RPH3A: variants seen among roughly 807,000 people sequenced by gnomAD.
The protein encoded by RPH3A is rabphilin-3A.
Under a neutral mutation model 102.2 loss-of-function variants are expected in RPH3A, and 48 were observed. The ratio of observed to expected loss-of-function variants is 0.47; its 90% CI spans 0.37 to 0.60. The LOEUF (loss-of-function observed/expected upper bound fraction) is 0.60. Ranked by LOEUF, RPH3A falls within the 20% of genes least tolerant of loss-of-function variation. The pLI is 0.00. For missense variants in RPH3A, 781 were observed against 910.1 expected (o/e 0.86, Z 1.83); for synonymous variants, 310 against 324.3 (o/e 0.96, Z 0.47).
chr12:112,850,236 T>A (rs1483744213), intron 5 of RPH3A, among the ~76,000 whole-genome samples: 3 of 151,930 alleles, frequency 2.0e-5, no homozygotes, highest in African/African-American at 7.3e-5. Context: ...TACATCTGAG[T>A]GAGTATTTAA....
At chr12:112,736,570 A>T (rs2040670840) in intron 1 of RPH3A, among the ~76,000 whole-genome samples, 1 of 152,248 alleles carries the variant, frequency 6.6e-6, no homozygotes. Flanking sequence ...GTGCTATTTC[A>T]TAAAGCCAAG....
At chr12:112,820,662 A>G (rs1458497166) in intron 2 of RPH3A, among the ~76,000 whole-genome samples, 2 of 152,178 alleles carry the variant, frequency 1.3e-5, no homozygotes, top group Non-Finnish European at 2.9e-5. Context: ...GACCATACTC[A>G]TTTTATCAAT....
intron 1 of RPH3A, among the ~76,000 whole-genome samples, chr12:112,610,214 C>T (rs2039628271): frequency 6.6e-6 from 1 of 152,150 alleles, no homozygotes; most frequent in African/African-American, 2.4e-5. Flanking sequence ...TTTAAGAAAC[C>T]TTCCTTGGGT....
intron 19 of RPH3A, chr12:112,894,257 T>A (rs1026578254): frequency 2.6e-6 from 1 of 384,486 alleles, no homozygotes; most frequent in African/African-American, 2.1e-5. Context: ...GAACACAGAC[T>A]CTAGATGCAA....
At chr12:112,875,960 G>T (rs542584450) in intron 12 of RPH3A, among the ~76,000 whole-genome samples, 2 of 152,166 alleles carry the variant, frequency 1.3e-5, no homozygotes, top group African/African-American at 4.8e-5. Flanking sequence ...AGACTACCTG[G>T]GTTCAAATCC....
At chr12:112,684,214 C>T (rs1472885138) in intron 1 of RPH3A, among the ~76,000 whole-genome samples, 1 of 152,062 alleles carries the variant, frequency 6.6e-6, no homozygotes, top group African/African-American at 2.4e-5. Flanking sequence ...AGTTTAGAAT[C>T]CTGCCAAAAA....
chr12:112,758,141 G>A (rs2040833484), intron 1 of RPH3A, among the ~76,000 whole-genome samples: 1 of 152,214 alleles, frequency 6.6e-6, no homozygotes, highest in South Asian at 2.1e-4. Context: ...AAATCCAGAA[G>A]TGTAGGGGAG....
intron 1 of RPH3A, among the ~76,000 whole-genome samples, chr12:112,751,481 G>A (rs1329628671): frequency 6.6e-6 from 1 of 152,166 alleles, no homozygotes; most frequent in Non-Finnish European, 1.5e-5. Context: ...ATTGTTCAGA[G>A]GTAAAGGAGT....
At chr12:112,746,466 G>T (rs2040747176) in intron 1 of RPH3A, among the ~76,000 whole-genome samples, 1 of 151,994 alleles carries the variant, frequency 6.6e-6, no homozygotes, top group Non-Finnish European at 1.5e-5. Context: ...AGCCTTAGGT[G>T]TTGAGGGAAC....
intron 1 of RPH3A, among the ~76,000 whole-genome samples, chr12:112,637,022 C>G (rs1195748313): frequency 6.6e-6 from 1 of 152,166 alleles, no homozygotes; most frequent in Non-Finnish European, 1.5e-5. Flanking sequence ...ATGTAAATCC[C>G]TTCTAGCCCC....
chr12:112,741,215 T>C (rs1544397), intron 1 of RPH3A, among the ~76,000 whole-genome samples: 89 of 152,278 alleles, frequency 5.8e-4, no homozygotes, highest in African/African-American at 2.0e-3. Flanking sequence ...AATGGAATAG[T>C]CAACACTGTA....
chr12:112,771,288 T>G (rs1285591130), intron 1 of RPH3A, among the ~76,000 whole-genome samples: 1 of 152,262 alleles, frequency 6.6e-6, no homozygotes, highest in East Asian at 1.9e-4. Flanking sequence ...TAAATCCCTC[T>G]GTACTTCCCA....
chr12:112,700,145 C>G (rs2040382730), intron 1 of RPH3A, among the ~76,000 whole-genome samples: 1 of 151,760 alleles, frequency 6.6e-6, no homozygotes, highest in East Asian at 1.9e-4. Flanking sequence ...TCTTGGCTCT[C>G]TGCAACCTCC....
At chr12:112,671,911 C>T (rs2040134276) in intron 1 of RPH3A, among the ~76,000 whole-genome samples, 1 of 151,582 alleles carries the variant, frequency 6.6e-6, no homozygotes, top group Non-Finnish European at 1.5e-5. Flanking sequence ...GATATATATA[C>T]ACACACATAC....
intron 5 of RPH3A, among the ~76,000 whole-genome samples, chr12:112,864,698 C>G (rs959843888): frequency 1.3e-5 from 2 of 152,188 alleles, no homozygotes; most frequent in Admixed American, 1.3e-4. Context: ...ATTGCTGGAT[C>G]TCTATCCAGC....
intron 13 of RPH3A, 101 bp from the exon 14 acceptor site, chr12:112,879,018 C>A: frequency 9.5e-7 from 1 of 1,052,614 alleles, no homozygotes. Context: ...CTTCTGTGGT[C>A]TCAATTCACA....
At chr12:112,773,639 C>T (rs1055922431) in intron 1 of RPH3A, among the ~76,000 whole-genome samples, 2 of 151,322 alleles carry the variant, frequency 1.3e-5, no homozygotes, top group African/African-American at 4.9e-5. Context: ...TTATATGCAA[C>T]ATTCCATTTT....
At chr12:112,825,969 T>C (rs752960729) in intron 2 of RPH3A, among the ~76,000 whole-genome samples, 1 of 152,184 alleles carries the variant, frequency 6.6e-6, no homozygotes, top group Non-Finnish European at 1.5e-5. Context: ...AGGGTACATG[T>C]GCAGGATGTG....
intron 1 of RPH3A, among the ~76,000 whole-genome samples, chr12:112,671,289 A>G (rs2040127496): frequency 6.6e-6 from 1 of 152,198 alleles, no homozygotes; most frequent in South Asian, 2.1e-4. Flanking sequence ...GCAGTCCAGG[A>G]TTAGCGTGGT....
Sources: allele counts gnomAD v4.1 joint callset (sites outside exome capture counted in the v4.1 genomes callset), GRCh38; gene constraint gnomAD v4.1.1; transcripts MANE v1.5; gene names NCBI Gene and HGNC (gene_info 2026-07-23, HGNC 2026-07-21).